SCFD2: variants seen among roughly 807,000 people sequenced by gnomAD.
SCFD2 encodes the protein sec1 family domain-containing protein 2.
A neutral mutation model predicts 58.9 loss-of-function variants in SCFD2; 54 were observed. The ratio of observed to expected loss-of-function variants is 0.92; its 90% CI spans 0.74 to 1.15. SCFD2 has a LOEUF of 1.15. SCFD2 is among the 50% of genes most tolerant of loss of function. The pLI is 0.00. For missense variants in SCFD2, 805 were observed against 836.6 expected, an observed-to-expected ratio of 0.96 and a Z score of 0.47; for synonymous variants, 321 against 335.9, an observed-to-expected ratio of 0.96 and a Z score of 0.49.
chr4:53,119,102 C>CA (rs1725405069), intron 5 of SCFD2, among the ~76,000 whole-genome samples: 1 of 152,004 alleles, frequency 6.6e-6, no homozygotes, highest in Non-Finnish European at 1.5e-5. Context: ...TAAATCACTT[C>CA]AAGTCAGGAG....
chr4:52,996,606 T>C (rs1239017471), intron 5 of SCFD2, among the ~76,000 whole-genome samples: 1 of 152,202 alleles, frequency 6.6e-6, no homozygotes, highest in Non-Finnish European at 1.5e-5. Flanking sequence ...TATAGGAGTA[T>C]ATGCGGCTTG....
chr4:53,114,858 A>G (rs1014012638), intron 5 of SCFD2, among the ~76,000 whole-genome samples: 22 of 152,112 alleles, frequency 1.4e-4, no homozygotes, highest in African/African-American at 5.1e-4. Flanking sequence ...CAATATAAAG[A>G]GATTTAGAGA....
chr4:53,264,444 C>T (rs1375678856), intron 4 of SCFD2, among the ~76,000 whole-genome samples: 1 of 152,224 alleles, frequency 6.6e-6, no homozygotes, highest in Non-Finnish European at 1.5e-5. Flanking sequence ...TAATCCAAAT[C>T]TCCAAAGATG....
intron 5 of SCFD2, among the ~76,000 whole-genome samples, chr4:52,931,906 G>A (rs1464885974): frequency 1.3e-5 from 2 of 152,116 alleles, no homozygotes; most frequent in South Asian, 2.1e-4. Flanking sequence ...ATTTCATCAC[G>A]AAGATATGTG....
chr4:52,981,425 A>G (rs1721372636), intron 5 of SCFD2, among the ~76,000 whole-genome samples: 1 of 152,190 alleles, frequency 6.6e-6, no homozygotes, highest in Non-Finnish European at 1.5e-5. Context: ...TCAGTTTCAA[A>G]GCATTTTATA....
At chr4:53,308,905 C>T (rs1339672220) in intron 3 of SCFD2, among the ~76,000 whole-genome samples, 1 of 151,904 alleles carries the variant, frequency 6.6e-6, no homozygotes, top group African/African-American at 2.4e-5. Flanking sequence ...CCGAGGCGGG[C>T]GGATCACAAG....
intron 4 of SCFD2, among the ~76,000 whole-genome samples, chr4:53,208,360 A>C (rs1728502871): frequency 6.6e-6 from 1 of 152,164 alleles, no homozygotes; most frequent in Admixed American, 6.5e-5. Context: ...CAATTGAGTA[A>C]TGCAGGTACA....
At chr4:53,231,875 T>A (rs1224721503) in intron 4 of SCFD2, among the ~76,000 whole-genome samples, 1 of 152,094 alleles carries the variant, frequency 6.6e-6, no homozygotes, top group East Asian at 1.9e-4. Flanking sequence ...ATATATATAT[T>A]AAAGTTTCAT....
intron 4 of SCFD2, among the ~76,000 whole-genome samples, chr4:53,201,145 G>C (rs1728221043): frequency 6.6e-6 from 1 of 151,754 alleles, no homozygotes; most frequent in South Asian, 2.1e-4. Flanking sequence ...TTTAGCATTA[G>C]GTATAGCTCC....
At chr4:53,281,433 G>A (rs1278352080) in intron 3 of SCFD2, among the ~76,000 whole-genome samples, 3 of 152,100 alleles carry the variant, frequency 2.0e-5, no homozygotes, top group Admixed American at 6.6e-5. Context: ...AGACAGGGGT[G>A]GCAACTTTAC....
intron 4 of SCFD2, among the ~76,000 whole-genome samples, chr4:53,162,745 T>C (rs2148928630): frequency 6.6e-6 from 1 of 152,004 alleles, no homozygotes; most frequent in South Asian, 2.1e-4. Context: ...ATATACCTAA[T>C]GCTAAATGAT....
intron 7 of SCFD2, among the ~76,000 whole-genome samples, chr4:52,907,233 C>A (rs1041213528): frequency 6.6e-6 from 1 of 152,234 alleles, no homozygotes. Flanking sequence ...ACCACATGTG[C>A]TGACCAGAAA....
At chr4:53,093,513 T>A (rs1207534427) in intron 5 of SCFD2, among the ~76,000 whole-genome samples, 1 of 152,138 alleles carries the variant, frequency 6.6e-6, no homozygotes, top group Non-Finnish European at 1.5e-5. Flanking sequence ...TACTCACACA[T>A]GTGTGAAATA....
chr4:53,243,832 A>T (rs1462775395), intron 4 of SCFD2, among the ~76,000 whole-genome samples: 1 of 152,208 alleles, frequency 6.6e-6, no homozygotes, highest in Non-Finnish European at 1.5e-5. Context: ...AGAAAAAAGC[A>T]AAGGTTTCAA....
intron 4 of SCFD2, among the ~76,000 whole-genome samples, chr4:53,147,215 A>G (rs1726359558): frequency 6.6e-6 from 1 of 152,208 alleles, no homozygotes; most frequent in Non-Finnish European, 1.5e-5. Flanking sequence ...TTTACATAGG[A>G]AAAGTCACGT....
chr4:53,223,417 T>A (rs1729106437), intron 4 of SCFD2, among the ~76,000 whole-genome samples: 1 of 152,210 alleles, frequency 6.6e-6, no homozygotes, highest in South Asian at 2.1e-4. Context: ...CTTGGTTATC[T>A]CTGGAATGTA....
intron 3 of SCFD2, among the ~76,000 whole-genome samples, chr4:53,293,196 T>C (rs532155391): frequency 1.1e-4 from 16 of 152,068 alleles, no homozygotes; most frequent in African/African-American, 3.9e-4. Flanking sequence ...AGCAATCTAA[T>C]GCAGGAGCGG....
chr4:53,151,961 A>G (rs1248245305), intron 4 of SCFD2, among the ~76,000 whole-genome samples: 1 of 152,152 alleles, frequency 6.6e-6, no homozygotes, highest in African/African-American at 2.4e-5. Context: ...TCTTTTATGA[A>G]CTCAAAGCAA....
chr4:53,047,811 TG>T (rs1198539105), intron 5 of SCFD2, among the ~76,000 whole-genome samples: 1 of 152,196 alleles, frequency 6.6e-6, no homozygotes, highest in Non-Finnish European at 1.5e-5. Context: ...AGGTTTAAAC[TG>T]TCTCAGAAAT....
Sources: allele counts gnomAD v4.1 joint callset (sites outside exome capture counted in the v4.1 genomes callset), GRCh38; gene constraint gnomAD v4.1.1; transcripts MANE v1.5; gene names NCBI Gene and HGNC (gene_info 2026-07-23, HGNC 2026-07-21).